The following HIVEP3 variants were observed in gnomAD, a reference collection of about 807,000 sequenced individuals.
HIVEP3 encodes HIVEP zinc finger 3, also known as transcription factor HIVEP3.
In HIVEP3, 49 loss-of-function variants were observed where a neutral mutation model predicts 152.8. That is an observed-to-expected ratio of 0.32 (90% CI 0.26 to 0.41). The LOEUF (loss-of-function observed/expected upper bound fraction) is 0.41, where lower values mean the gene tolerates loss of function less well. Among genes scored for constraint, HIVEP3 ranks in the 10% least tolerant of loss-of-function variants. HIVEP3 has a pLI of 1.00. For synonymous variants in HIVEP3, 1,269 were observed against 1,289.0 expected (o/e 0.98, Z 0.33); for missense variants, 2,790 against 3,103.3 (o/e 0.90, Z 2.40).
At chr1:41,743,795 G>A (rs1397729530) in intron 1 of HIVEP3, among the ~76,000 whole-genome samples, 1 of 152,162 alleles carries the variant, frequency 6.6e-6, no homozygotes, top group Non-Finnish European at 1.5e-5. Context: ...ACTTGTGAGT[G>A]GTTGCATTGA....
chr1:41,536,605 C>T (rs1643407591), intron 5 of HIVEP3, among the ~76,000 whole-genome samples: 1 of 152,052 alleles, frequency 6.6e-6, no homozygotes, highest in Non-Finnish European at 1.5e-5. Context: ...CAGGGCATAT[C>T]CCTCTCTGAA....
At chr1:41,978,077 G>A (rs568171219) in intron 1 of HIVEP3, among the ~76,000 whole-genome samples, 1 of 151,986 alleles carries the variant, frequency 6.6e-6, no homozygotes, top group Non-Finnish European at 1.5e-5. Flanking sequence ...TTCCCATTAA[G>A]ACCCAAGTCT....
chr1:41,769,963 T>A (rs180868981), intron 1 of HIVEP3, among the ~76,000 whole-genome samples: 1 of 152,200 alleles, frequency 6.6e-6, no homozygotes, highest in East Asian at 1.9e-4. Context: ...AATTGTTTTT[T>A]GTTTGTTTGT....
chr1:41,638,262 G>GAA (rs1553241168), intron 2 of HIVEP3, among the ~76,000 whole-genome samples: 1 of 127,600 alleles, frequency 7.8e-6, no homozygotes, highest in African/African-American at 2.9e-5. Context: ...GAGAGAGAAA[G>GAA]AAAGAAAGAA....
intron 3 of HIVEP3, among the ~76,000 whole-genome samples, chr1:41,591,880 T>C (rs1398213639): frequency 6.6e-6 from 1 of 152,158 alleles, no homozygotes; most frequent in Non-Finnish European, 1.5e-5. Context: ...AGAAGAGGCA[T>C]GACCGACCCA....
intron 1 of HIVEP3, among the ~76,000 whole-genome samples, chr1:41,904,322 T>C (rs896688788): frequency 1.3e-5 from 2 of 152,206 alleles, no homozygotes; most frequent in African/African-American, 2.4e-5. Flanking sequence ...CTTTGACCTC[T>C]GAAGCCTCAA....
chr1:41,536,131 G>C (rs1211821295), intron 5 of HIVEP3, among the ~76,000 whole-genome samples: 1 of 152,140 alleles, frequency 6.6e-6, no homozygotes, highest in African/African-American at 2.4e-5. Context: ...TGATGGAGGA[G>C]GTTGTTGTTC....
intron 1 of HIVEP3, among the ~76,000 whole-genome samples, chr1:41,904,159 A>T (rs2124457257): frequency 1.3e-5 from 2 of 152,036 alleles, no homozygotes; most frequent in Middle Eastern, 3.4e-3. Context: ...GGCCTCCCAA[A>T]GTCTTGGGAT....
intron 2 of HIVEP3, among the ~76,000 whole-genome samples, chr1:41,667,154 G>A (rs559573498): frequency 2.0e-5 from 3 of 152,294 alleles, no homozygotes; most frequent in African/African-American, 7.2e-5. Context: ...TTCTTCATGT[G>A]TCTGCTGCCC....
chr1:41,616,744 C>T (rs989073245), intron 3 of HIVEP3, among the ~76,000 whole-genome samples: 2 of 151,648 alleles, frequency 1.3e-5, no homozygotes, highest in Non-Finnish European at 2.9e-5. Context: ...TGTGCTACTG[C>T]ACCTGCTCAA....
rs142544767 is a variant in HIVEP3, at chr1:41,555,661, C to G, written c.5207+19883G>C. On this transcript the variant is annotated intron_variant, in intron 5 of 8. Transcript: ENST00000372583. ...CTGAACCATTTTTAAGTGTGCAGTT[C>G]AGTGGTATTAAGTACATTCACATTG... 2.2e-3 allele frequency among the ~76,000 whole-genome samples: 329 copies of G among 152,330 alleles called. 1 individual carries two copies. The highest frequency in any genetic ancestry group is 5.2e-3 in the South Asian group (25 of 4,830).
At chr1:41,598,350 C>T (rs1245947298) in intron 3 of HIVEP3, among the ~76,000 whole-genome samples, 3 of 152,148 alleles carry the variant, frequency 2.0e-5, no homozygotes, top group African/African-American at 7.2e-5. Context: ...TACAAGCTTC[C>T]TAGGTAGTTA....
intron 1 of HIVEP3, among the ~76,000 whole-genome samples, chr1:41,717,153 G>A (rs568236570): frequency 4.3e-4 from 66 of 152,194 alleles, no homozygotes; most frequent in Non-Finnish European, 1.9e-4. Context: ...GGGAGTTCAG[G>A]CTGAGCCAGG....
chr1:41,815,972 G>A (rs973377585), intron 1 of HIVEP3, among the ~76,000 whole-genome samples: 1 of 152,060 alleles, frequency 6.6e-6, no homozygotes, highest in Non-Finnish European at 1.5e-5. Flanking sequence ...CCCACGTGCC[G>A]TTGATGCAAT....
intron 6 of HIVEP3, among the ~76,000 whole-genome samples, chr1:41,521,943 C>G (rs1294856305): frequency 6.6e-6 from 1 of 152,230 alleles, no homozygotes; most frequent in African/African-American, 2.4e-5. Flanking sequence ...ACAGGGCCAC[C>G]CACAGGCCTC....
chr1:41,899,438 T>C (rs1362826476), intron 1 of HIVEP3, among the ~76,000 whole-genome samples: 2 of 152,176 alleles, frequency 1.3e-5, no homozygotes, highest in East Asian at 3.8e-4. Flanking sequence ...TGGAGTTTCG[T>C]TCTTGTTGCC....
chr1:41,653,767 A>AGGGT (rs1221912879), intron 2 of HIVEP3, among the ~76,000 whole-genome samples: 1 of 152,104 alleles, frequency 6.6e-6, no homozygotes, highest in Non-Finnish European at 1.5e-5. Context: ...CAGCAGTTGA[A>AGGGT]GGGTGGGTCT....
intron 5 of HIVEP3, among the ~76,000 whole-genome samples, chr1:41,531,835 G>A (rs796139736): frequency 3.8e-5 from 1 of 26,552 alleles, no homozygotes; most frequent in African/African-American, 1.3e-4. Context: ...GGGAGATGGA[G>A]GACAGGAGAG....
intron 1 of HIVEP3, among the ~76,000 whole-genome samples, chr1:41,859,074 T>C (rs1179348488): frequency 6.6e-6 from 1 of 152,188 alleles, no homozygotes; most frequent in Admixed American, 6.5e-5. Context: ...AAAGGAATTA[T>C]GTAAAGGATT....
Sources: allele counts gnomAD v4.1 joint callset (sites outside exome capture counted in the v4.1 genomes callset), GRCh38; gene constraint gnomAD v4.1.1; transcripts MANE v1.5; gene names NCBI Gene and HGNC (gene_info 2026-07-23, HGNC 2026-07-21).